ZNF804B: variants seen among roughly 807,000 people sequenced by gnomAD.
ZNF804B encodes the protein zinc finger protein 804B, also known as zinc finger 804B.
In ZNF804B, 80 loss-of-function variants were observed where a neutral mutation model predicts 101.4. The observed-to-expected ratio is 0.79, with a 90% CI of 0.66 to 0.95. The LOEUF is 0.95. Among genes scored for constraint, ZNF804B ranks in the 40% least tolerant of loss-of-function variants. ZNF804B has a pLI of 0.00. For synonymous variants in ZNF804B, 622 were observed against 558.8 expected, an observed-to-expected ratio of 1.11 and a Z score of -1.59; for missense variants, 1,673 against 1,561.9, an observed-to-expected ratio of 1.07 and a Z score of -1.20.
intron 1 of ZNF804B, among the ~76,000 whole-genome samples, chr7:89,118,471 G>T (rs1790349481): frequency 6.6e-6 from 1 of 151,868 alleles, no homozygotes; most frequent in Non-Finnish European, 1.5e-5. Context: ...AAATGACAGG[G>T]AAAATGTCAT....
At chr7:88,822,380 A>T (rs895130003) in intron 1 of ZNF804B, among the ~76,000 whole-genome samples, 1 of 152,148 alleles carries the variant, frequency 6.6e-6, no homozygotes, top group African/African-American at 2.4e-5. Flanking sequence ...CTTAAAGTTT[A>T]TTAATATTAT....
intron 1 of ZNF804B, among the ~76,000 whole-genome samples, chr7:89,019,455 C>G (rs1206645401): frequency 2.0e-5 from 3 of 151,976 alleles, no homozygotes; most frequent in African/African-American, 7.2e-5. Context: ...TTTTCTGCAG[C>G]TGTTGGTTGA....
intron 1 of ZNF804B, among the ~76,000 whole-genome samples, chr7:88,927,487 A>G (rs1441196534): frequency 1.3e-5 from 2 of 152,154 alleles, no homozygotes; most frequent in East Asian, 1.9e-4. Flanking sequence ...TTGAGCATGC[A>G]TAGAGAACTG....
Position 89,335,529 on chromosome 7 carries a change from T to G in ZNF804B, c.2547T>G (p.Thr849=). The change falls in exon 4 of 4, where the codon ACT becomes ACG. Residue 849 remains threonine (T), a synonymous_variant. Coordinates refer to ENST00000333190, the MANE Select transcript of ZNF804B (RefSeq NM_181646.5). ...SSKKPPNCQG[T]QHDRLDSYSI... ...AAAAACCACCTAATTGCCAGGGAACTCAGCACGACAGATTGGACTCTTACT... is the reference window on the plus strand; with the variant it reads ...AAAAACCACCTAATTGCCAGGGAACGCAGCACGACAGATTGGACTCTTACT... The G allele has an allele frequency of 6.2e-7, 1 of 1,613,966 alleles. No homozygotes were observed. Among genetic ancestry groups the G allele is most frequent in the Non-Finnish European group, 8.5e-7 (1 of 1,179,958 alleles).
intron 1 of ZNF804B, among the ~76,000 whole-genome samples, chr7:89,165,564 G>C: frequency 6.6e-6 from 1 of 151,946 alleles, no homozygotes. Context: ...AGGAGTTTTA[G>C]CATGTAACTT....
chr7:88,926,060 T>C (rs1308979394), intron 1 of ZNF804B, among the ~76,000 whole-genome samples: 1 of 152,092 alleles, frequency 6.6e-6, no homozygotes, highest in Non-Finnish European at 1.5e-5. Flanking sequence ...AACAGAAATC[T>C]TGTTCTAGAC....
chr7:88,877,047 ATATTTT>A (rs1791962066), intron 1 of ZNF804B, among the ~76,000 whole-genome samples: 1 of 28,778 alleles, frequency 3.5e-5, no homozygotes, highest in South Asian at 1.4e-3. Context: ...ATATATATAT[ATATTTT>A]TTTTTTTTTT....
intron 2 of ZNF804B, among the ~76,000 whole-genome samples, chr7:89,290,554 A>G (rs1427761026): frequency 6.6e-6 from 1 of 152,104 alleles, no homozygotes; most frequent in East Asian, 1.9e-4. Flanking sequence ...TTTGGTCTTA[A>G]CTGAACATCA....
At chr7:88,795,221 C>A (rs1002021943) in intron 1 of ZNF804B, among the ~76,000 whole-genome samples, 23 of 151,996 alleles carry the variant, frequency 1.5e-4, no homozygotes, top group African/African-American at 5.1e-4. Context: ...TAAATAATAT[C>A]CTAGGAAAAA....
At chr7:89,177,826 G>T (rs2115570636) in intron 1 of ZNF804B, among the ~76,000 whole-genome samples, 1 of 152,078 alleles carries the variant, frequency 6.6e-6, no homozygotes, top group East Asian at 1.9e-4. Context: ...GCCAAGGCGG[G>T]CGGATCACGA....
chr7:88,781,072 A>G (rs1188293089), intron 1 of ZNF804B, among the ~76,000 whole-genome samples: 1 of 152,222 alleles, frequency 6.6e-6, no homozygotes, highest in Non-Finnish European at 1.5e-5. Flanking sequence ...AAAACCCCAT[A>G]AAAGCGACAC....
At chr7:88,909,643 C>T (rs1584011037) in intron 1 of ZNF804B, among the ~76,000 whole-genome samples, 1 of 151,950 alleles carries the variant, frequency 6.6e-6, no homozygotes, top group Non-Finnish European at 1.5e-5. Context: ...TTATGTCGCA[C>T]AGGCTTGGAG....
At chr7:89,275,561 G>A (rs1220890937) in intron 2 of ZNF804B, among the ~76,000 whole-genome samples, 1 of 134,446 alleles carries the variant, frequency 7.4e-6, no homozygotes, top group African/African-American at 2.8e-5. Flanking sequence ...GTTCTCTTTG[G>A]CTTGAACATT....
chr7:88,929,280 C>T (rs1792848603), intron 1 of ZNF804B, among the ~76,000 whole-genome samples: 1 of 151,168 alleles, frequency 6.6e-6, no homozygotes, highest in Admixed American at 6.6e-5. Flanking sequence ...GGGTAAGAGG[C>T]AACAGAGAGT....
chr7:89,119,608 TAC>T (rs1790368008), intron 1 of ZNF804B, among the ~76,000 whole-genome samples: 1 of 152,224 alleles, frequency 6.6e-6, no homozygotes, highest in Non-Finnish European at 1.5e-5. Context: ...GTCTTTTCTG[TAC>T]TAAATTTACT....
At chr7:89,126,249 G>A (rs1790472773) in intron 1 of ZNF804B, among the ~76,000 whole-genome samples, 2 of 151,808 alleles carry the variant, frequency 1.3e-5, no homozygotes, top group African/African-American at 4.8e-5. Flanking sequence ...AGAGAACAGT[G>A]CTGTATACTG....
Position 89,336,241 on chromosome 7 carries a change from G to A in ZNF804B, c.3259G>A (p.Asp1087Asn), listed in dbSNP as rs1165821532. The change falls in exon 4 of 4, where the codon GAT (aspartate) becomes AAT (asparagine). Residue 1087 changes from aspartate (D) to asparagine (N), a missense_variant. Asp to Asn is a conservative substitution (Grantham distance 23). Coordinates refer to ENST00000333190, the MANE Select transcript of ZNF804B (RefSeq NM_181646.5). ...GTCTAATAAATATACTGGTGTGACTGATTCAACAGAGACCCAAGAAGACCA... is the reference window on the plus strand; with the variant it reads ...GTCTAATAAATATACTGGTGTGACTAATTCAACAGAGACCCAAGAAGACCA... ...FPSNKYTGVT[D>N]STETQEDQIN... The A allele has an allele frequency of 6.2e-7, 1 of 1,613,700 alleles. No homozygotes were observed. The highest frequency in any genetic ancestry group is 2.2e-5 in the East Asian group (1 of 44,856).
chr7:89,296,561 A>G (rs538673427), intron 2 of ZNF804B, among the ~76,000 whole-genome samples: 32 of 152,182 alleles, frequency 2.1e-4, no homozygotes, highest in African/African-American at 7.0e-4. Context: ...TACAAGGCTC[A>G]TTACTGATTC....
At chr7:89,250,659 A>G (rs1467663947) in intron 2 of ZNF804B, among the ~76,000 whole-genome samples, 1 of 152,180 alleles carries the variant, frequency 6.6e-6, no homozygotes, top group African/African-American at 2.4e-5. Flanking sequence ...ACAGACCAAT[A>G]TCCCTGATGA....
Sources: gnomAD v4.1 joint callset for allele counts (sites outside exome capture counted in the v4.1 genomes callset) on GRCh38, gnomAD v4.1.1 for gene constraint, MANE v1.5 for transcripts, NCBI Gene and HGNC (gene_info 2026-07-23, HGNC 2026-07-21) for gene names.